ADGRB3: variants seen among roughly 807,000 people sequenced by gnomAD.
ADGRB3 encodes the protein brain-specific angiogenesis inhibitor 3.
In ADGRB3, 37 loss-of-function variants were observed where a neutral mutation model predicts 193.4. The observed-to-expected ratio is 0.19, with a 90% CI of 0.15 to 0.25. The LOEUF is 0.25. ADGRB3 is among the 10% of genes least tolerant of loss of function. The probability of loss-of-function intolerance (pLI) is 1.00; values close to 1 mark genes in which losing one functional copy is unlikely to be tolerated. For synonymous variants in ADGRB3, 690 were observed against 644.2 expected, an observed-to-expected ratio of 1.07 and a Z score of -1.08; for missense variants, 1,637 against 1,852.9, an observed-to-expected ratio of 0.88 and a Z score of 2.14.
At chr6:68,769,848 A>T (rs1157989714) in intron 3 of ADGRB3, among the ~76,000 whole-genome samples, 16 of 152,126 alleles carry the variant, frequency 1.1e-4, no homozygotes, top group African/African-American at 3.9e-4. Flanking sequence ...ATCAGGTAAG[A>T]ACTCATATCT....
intron 20 of ADGRB3, among the ~76,000 whole-genome samples, chr6:69,299,207 T>A (rs1301375959): frequency 6.6e-6 from 1 of 151,938 alleles, no homozygotes; most frequent in African/African-American, 2.4e-5. Context: ...ATTCACATCT[T>A]TTTTTTCACT....
intron 3 of ADGRB3, among the ~76,000 whole-genome samples, chr6:68,655,531 A>G (rs1768471424): frequency 1.3e-5 from 2 of 151,714 alleles, no homozygotes; most frequent in African/African-American, 4.8e-5. Context: ...AAAGTAATCA[A>G]TTTCTTTAAT....
At chr6:68,858,443 G>A (rs1012508674) in intron 3 of ADGRB3, among the ~76,000 whole-genome samples, 1 of 149,068 alleles carries the variant, frequency 6.7e-6, no homozygotes, top group Admixed American at 6.7e-5. Context: ...GGTGGAGGTT[G>A]CAGTGAGCTG....
At chr6:68,956,254 C>T in intron 7 of ADGRB3, 66 bp downstream of exon 7, 1 of 1,468,468 alleles carries the variant, frequency 6.8e-7, no homozygotes, top group African/African-American at 1.4e-5. Context: ...TAAAATGTGT[C>T]AGAACTATGC....
rs190410483 is a variant in ADGRB3, at chr6:68,667,699, G to T, written c.757+28267G>T. Among the ~76,000 whole-genome samples, 460 of 151,872 alleles carry T rather than the reference G, an allele frequency of 3.0e-3. 2 individuals are homozygous for T. The highest frequency in any genetic ancestry group is 5.7e-3 in the Non-Finnish European group (390 of 67,870). On this transcript the variant is annotated intron_variant, in intron 3 of 31. Transcript: ENST00000370598. ...TTGTTATTTTTGCCATATTCTATTT[G>T]TCAAAATAACTATTATAACAAGGCC...
chr6:69,307,627 CTT>C (rs1768095065), intron 20 of ADGRB3, among the ~76,000 whole-genome samples: 1 of 151,524 alleles, frequency 6.6e-6, no homozygotes. Context: ...AATATCTCTT[CTT>C]CTTTTTATTT....
rs76967267 is a variant in ADGRB3 at position 68,983,764 on chromosome 6, T to C, written c.1734+8424T>C. ...GATTAAAAATAATTACAAATTCTTA[T>C]ATGTTAAAGGAAATTAGCAGGGTGC... is the stretch of plus-strand genomic sequence containing the variant. On this transcript the variant is annotated intron_variant, in intron 10 of 31. Transcript: ENST00000370598. 6.1e-3 allele frequency among the ~76,000 whole-genome samples: 925 copies of C among 152,154 alleles called. 7 individuals are homozygous for C. The highest frequency in any genetic ancestry group is 0.021 in the African/African-American group (886 of 41,538).
At chr6:69,027,880 G>T (rs775345116) in intron 13 of ADGRB3, among the ~76,000 whole-genome samples, 41 of 152,298 alleles carry the variant, frequency 2.7e-4, no homozygotes, top group Non-Finnish European at 5.0e-4. Context: ...TCCAACTACA[G>T]AAGCAAGACA....
intron 16 of ADGRB3, among the ~76,000 whole-genome samples, chr6:69,074,322 C>G (rs911425970): frequency 6.6e-6 from 1 of 152,008 alleles, no homozygotes; most frequent in Non-Finnish European, 1.5e-5. Context: ...TTATTTCTAG[C>G]AAAAATTTAG....
chr6:68,844,921 A>G (rs6920573), intron 3 of ADGRB3, among the ~76,000 whole-genome samples: 5 of 152,012 alleles, frequency 3.3e-5, no homozygotes, highest in African/African-American at 1.2e-4. Context: ...AAATCAAAAC[A>G]AATGAACTCA....
At chr6:68,844,364 G>T (rs960460604) in intron 3 of ADGRB3, among the ~76,000 whole-genome samples, 8 of 152,176 alleles carry the variant, frequency 5.3e-5, no homozygotes, top group Admixed American at 3.9e-4. Context: ...ATGGGTAAAA[G>T]ATATGAATAA....
At chr6:68,650,214 G>A (rs941833805) in intron 3 of ADGRB3, among the ~76,000 whole-genome samples, 10 of 152,164 alleles carry the variant, frequency 6.6e-5, no homozygotes. Context: ...GCACAGAGTA[G>A]CGCAAGTGTA....
intron 2 of ADGRB3, among the ~76,000 whole-genome samples, chr6:68,637,809 T>G (rs976813986): frequency 1.6e-4 from 24 of 152,078 alleles, no homozygotes; most frequent in Non-Finnish European, 3.2e-4. Context: ...TGGATTTTTT[T>G]TTTTTTTAAC....
intron 17 of ADGRB3, among the ~76,000 whole-genome samples, chr6:69,137,419 A>AAC (rs1774184690): frequency 6.6e-6 from 1 of 152,080 alleles, no homozygotes; most frequent in African/African-American, 2.4e-5. Context: ...TGGCAAATCA[A>AAC]ACACACACAC....
chr6:68,964,557 C>A lies in ADGRB3; in HGVS notation c.1525+7748C>A, dbSNP rs185931718. Among the ~76,000 whole-genome samples the A allele has an allele frequency of 2.6e-5, 4 of 152,258 alleles. No individual in the cohort carries two copies. In the East Asian group the frequency reaches 7.7e-4, roughly 29 times the overall value. On this transcript the variant is annotated intron_variant, in intron 8 of 31. Coordinates refer to ENST00000370598, the MANE Select transcript of ADGRB3 (RefSeq NM_001704.3). ...CAGAAACTTAGTAAACGTAACTTTC[C>A]AGCAAAATGTTGAGCATACCCCAGT... is the stretch of plus-strand genomic sequence containing the variant.
chr6:68,887,212 T>A (rs1249202326), intron 3 of ADGRB3, among the ~76,000 whole-genome samples: 2 of 151,988 alleles, frequency 1.3e-5, no homozygotes, highest in African/African-American at 4.8e-5. Context: ...CTTATATAGT[T>A]CCATTTTTTC....
At chr6:68,984,716 T>G (rs1282976482) in intron 10 of ADGRB3, among the ~76,000 whole-genome samples, 1 of 151,820 alleles carries the variant, frequency 6.6e-6, no homozygotes, top group Non-Finnish European at 1.5e-5. Context: ...ACATGAAAAA[T>G]TAAAGAAAAC....
rs146967024 is a variant in ADGRB3 at position 69,261,417 on chromosome 6, T to A, written c.2814+22191T>A. Among the ~76,000 whole-genome samples the A allele has an allele frequency of 2.7e-3, 410 of 152,170 alleles. 4 individuals carry two copies. The highest frequency in any genetic ancestry group is 9.6e-3 in the African/African-American group (398 of 41,546). ...AGATGTAAGAAAGGGAAAATAGGTT[T>A]CACTCCAAAATACGGATACAGGGGC... On this transcript the variant is annotated intron_variant, in intron 20 of 31. Coordinates refer to ENST00000370598, the MANE Select transcript of ADGRB3 (RefSeq NM_001704.3).
chr6:69,172,922 T>A (rs1214122908), intron 17 of ADGRB3, among the ~76,000 whole-genome samples: 1 of 152,156 alleles, frequency 6.6e-6, no homozygotes, highest in East Asian at 1.9e-4. Flanking sequence ...ATGTCTGGAA[T>A]ACACTGAGTG....
Sources: gnomAD v4.1 joint callset for allele counts (sites outside exome capture counted in the v4.1 genomes callset) on GRCh38, gnomAD v4.1.1 for gene constraint, MANE v1.5 for transcripts, NCBI Gene and HGNC (gene_info 2026-07-23, HGNC 2026-07-21) for gene names.